The following ARHGEF7 variants were observed in gnomAD, a reference collection of about 807,000 sequenced individuals.
ARHGEF7 encodes Rho guanine nucleotide exchange factor 7, also known as PAK-interacting exchange factor beta.
In ARHGEF7, 33 loss-of-function variants were observed where a neutral mutation model predicts 109.8. The observed-to-expected ratio is 0.30, with a 90% CI of 0.23 to 0.40. The LOEUF is 0.40. Among genes scored for constraint, ARHGEF7 ranks in the 10% least tolerant of loss-of-function variants. The pLI is 1.00. For missense variants in ARHGEF7, 938 were observed against 1,098.5 expected (o/e 0.85, Z 2.07); for synonymous variants, 458 against 424.6 (o/e 1.08, Z -0.97).
intron 6 of ARHGEF7, among the ~76,000 whole-genome samples, chr13:111,234,693 G>A (rs1055021922): frequency 6.6e-6 from 1 of 151,984 alleles, no homozygotes; most frequent in African/African-American, 2.4e-5. Context: ...ATCCTTTTCT[G>A]CCTTGGAAAC....
chr13:111,278,192 T>A (rs1314405372), intron 13 of ARHGEF7, among the ~76,000 whole-genome samples: 1 of 152,206 alleles, frequency 6.6e-6, no homozygotes, highest in Non-Finnish European at 1.5e-5. Flanking sequence ...GACAGCAGAT[T>A]TGGGAAGGAG....
At chr13:111,127,535 T>C (rs2067650430) in intron 1 of ARHGEF7, among the ~76,000 whole-genome samples, 2 of 150,644 alleles carry the variant, frequency 1.3e-5, no homozygotes, top group South Asian at 2.1e-4. Flanking sequence ...TGGTCCCAGC[T>C]ACTTAGGAGG....
chr13:111,265,936 G>A (rs151211916), intron 8 of ARHGEF7, among the ~76,000 whole-genome samples: 1 of 152,310 alleles, frequency 6.6e-6, no homozygotes, highest in Non-Finnish European at 1.5e-5. Context: ...TTCCCAGCAG[G>A]GGCGGACTGA....
At chr13:111,298,882 G>T (rs1385058839) in intron 19 of ARHGEF7, among the ~76,000 whole-genome samples, 1 of 152,228 alleles carries the variant, frequency 6.6e-6, no homozygotes, top group South Asian at 2.1e-4. Flanking sequence ...ACAGCCGCAG[G>T]TGTGCCAGCC....
intron 1 of ARHGEF7, among the ~76,000 whole-genome samples, chr13:111,138,349 C>G (rs561633015): frequency 6.6e-6 from 1 of 152,214 alleles, no homozygotes; most frequent in Non-Finnish European, 1.5e-5. Flanking sequence ...GGTGTGGTGG[C>G]TCATGCCTGT....
At chr13:111,260,203 G>C (rs996059751) in intron 8 of ARHGEF7, among the ~76,000 whole-genome samples, 1 of 152,226 alleles carries the variant, frequency 6.6e-6, no homozygotes, top group African/African-American at 2.4e-5. Flanking sequence ...TATTCAAAGA[G>C]ATAACAGATA....
At chr13:111,256,153 T>A (rs1325059050) in intron 8 of ARHGEF7, among the ~76,000 whole-genome samples, 1 of 152,170 alleles carries the variant, frequency 6.6e-6, no homozygotes, top group Admixed American at 6.5e-5. Flanking sequence ...GTTCCTTGAT[T>A]AGTAGGCTGT....
chr13:111,164,966 G>A (rs148523474), intron 2 of ARHGEF7, among the ~76,000 whole-genome samples: 419 of 152,294 alleles, frequency 2.8e-3, no homozygotes, highest in African/African-American at 9.8e-3. Context: ...TTGGCTATGG[G>A]TTTTGTTTTT....
intron 2 of ARHGEF7, chr13:111,182,208 G>A (rs1168261678): frequency 6.6e-6 from 1 of 152,230 alleles, no homozygotes; most frequent in African/African-American, 2.4e-5. Flanking sequence ...CCATACGACA[G>A]GTCCCTGTTC....
At chr13:111,226,378 A>C (rs1006884449) in intron 5 of ARHGEF7, among the ~76,000 whole-genome samples, 3 of 152,244 alleles carry the variant, frequency 2.0e-5, no homozygotes, top group African/African-American at 7.2e-5. Context: ...GGCCACACCA[A>C]CAGGCTGACT....
At chr13:111,151,315 G>A (rs2075875916) in intron 1 of ARHGEF7, among the ~76,000 whole-genome samples, 2 of 152,164 alleles carry the variant, frequency 1.3e-5, no homozygotes, top group South Asian at 4.1e-4. Context: ...AACCTGCCTT[G>A]CCTGCAAGTT....
chr13:111,194,494 C>A (rs2080270140), intron 2 of ARHGEF7, among the ~76,000 whole-genome samples: 2 of 152,196 alleles, frequency 1.3e-5, no homozygotes, highest in African/African-American at 4.8e-5. Flanking sequence ...ATAGGCCGTA[C>A]TCATTCCTTT....
intron 9 of ARHGEF7, among the ~76,000 whole-genome samples, chr13:111,269,423 A>G (rs1244743137): frequency 6.6e-6 from 1 of 152,212 alleles, no homozygotes; most frequent in African/African-American, 2.4e-5. Context: ...GCCATTCAAG[A>G]GCAGTGCTTG....
intron 2 of ARHGEF7, chr13:111,203,076 G>T (rs1165707284): frequency 2.3e-6 from 3 of 1,280,084 alleles, no homozygotes; most frequent in African/African-American, 1.5e-5. Flanking sequence ...TTCACATCCT[G>T]TTATTCTGGG....
Position 111,244,160 on chromosome 13 carries a change from C to T in ARHGEF7, c.855-39C>T, listed in dbSNP as rs376300554. The T allele has an allele frequency of 1.7e-5, 24 of 1,449,982 alleles. No homozygotes were observed. In the African/African-American group the frequency reaches 2.0e-4, roughly 12 times the overall value. The allele number at this position is 1,449,982 out of a possible 1,614,324, so 89.8% of individuals were successfully genotyped here. On this transcript the variant is annotated intron_variant, in intron 7 of 21. Transcript: ENST00000646102. ...GCAAAGGAGAAGAATATAAATAAAA[C>T]TGTTTACATATGTTTACTGTTATTT...
chr13:111,161,477 G>A (rs117134466), intron 2 of ARHGEF7, among the ~76,000 whole-genome samples: 5,805 of 152,262 alleles, frequency 0.038, 155 homozygotes, highest in Middle Eastern at 0.078. Context: ...TGTGTCTGTC[G>A]TGAGGATTAC....
chr13:111,178,960 C>A (rs916527869), intron 2 of ARHGEF7, among the ~76,000 whole-genome samples: 1 of 151,114 alleles, frequency 6.6e-6, no homozygotes, highest in South Asian at 2.1e-4. Flanking sequence ...AATGTGCCGT[C>A]CCCCCCCTTT....
At chr13:111,219,991 A>G (rs2083620314) in intron 5 of ARHGEF7, among the ~76,000 whole-genome samples, 1 of 152,180 alleles carries the variant, frequency 6.6e-6, no homozygotes, top group Non-Finnish European at 1.5e-5. Flanking sequence ...TCAACTTGAT[A>G]GACATCACTG....
At chr13:111,274,563 C>T (rs1485189269) in intron 10 of ARHGEF7, among the ~76,000 whole-genome samples, 168 bp from the exon 11 acceptor site, 1 of 152,154 alleles carries the variant, frequency 6.6e-6, no homozygotes, top group African/African-American at 2.4e-5. Flanking sequence ...TCCCCAAAGT[C>T]TAATGGCTTC....
Sources: gnomAD v4.1 joint callset for allele counts (sites outside exome capture counted in the v4.1 genomes callset) on GRCh38, gnomAD v4.1.1 for gene constraint, MANE v1.5 for transcripts, NCBI Gene and HGNC (gene_info 2026-07-23, HGNC 2026-07-21) for gene names.